Variants in SHANK2 observed in about 807,000 individuals in gnomAD.
The protein encoded by SHANK2 is SH3 and multiple ankyrin repeat domains 2, also known as SH3 and multiple ankyrin repeat domains protein 2.
SHANK2 carries 43 observed loss-of-function variants against 133.7 expected under a neutral mutation model. The ratio of observed to expected loss-of-function variants is 0.32; its 90% CI spans 0.25 to 0.41. SHANK2 has a LOEUF of 0.41. Ranked by LOEUF, SHANK2 falls within the 10% of genes least tolerant of loss-of-function variation. The probability of loss-of-function intolerance (pLI) is 1.00; values close to 1 mark genes in which losing one functional copy is unlikely to be tolerated. For synonymous variants in SHANK2, 1,017 were observed against 952.8 expected, an observed-to-expected ratio of 1.07 and a Z score of -1.24; for missense variants, 1,994 against 2,235.8, an observed-to-expected ratio of 0.89 and a Z score of 2.18.
chr11:70,946,933 C>T (rs1555085592), intron 10 of SHANK2, among the ~76,000 whole-genome samples: 3 of 148,368 alleles, frequency 2.0e-5, no homozygotes, highest in Non-Finnish European at 4.5e-5. Context: ...CCCTCCCTCT[C>T]CACTAACCAA....
chr11:70,690,591 G>T (rs1422394734), intron 15 of SHANK2, among the ~76,000 whole-genome samples: 1 of 134,708 alleles, frequency 7.4e-6, no homozygotes, highest in Non-Finnish European at 1.5e-5. Flanking sequence ...AAGTGCTGAG[G>T]TTACAGATGT....
At chr11:70,667,321 G>A (rs943865960) in intron 15 of SHANK2, among the ~76,000 whole-genome samples, 4 of 152,182 alleles carry the variant, frequency 2.6e-5, no homozygotes, top group Non-Finnish European at 5.9e-5. Context: ...AGGTTTGCCT[G>A]TTTCTGCTCA....
chr11:70,704,809 TACTAATCA>T (rs1945622471), intron 14 of SHANK2, among the ~76,000 whole-genome samples: 2 of 152,220 alleles, frequency 1.3e-5, no homozygotes, highest in Non-Finnish European at 2.9e-5. Flanking sequence ...TCACTGAGGC[TACTAATCA>T]AATACTTCTG....
chr11:71,068,440 C>T (rs1408644524), intron 9 of SHANK2, among the ~76,000 whole-genome samples: 1 of 152,214 alleles, frequency 6.6e-6, no homozygotes, highest in East Asian at 1.9e-4. Context: ...AAATAAAGTG[C>T]CTTTGCTTGA....
At chr11:71,203,879 T>G (rs112514965) in intron 2 of SHANK2, among the ~76,000 whole-genome samples, 4,616 of 152,140 alleles carry the variant, frequency 0.03, 105 homozygotes, top group African/African-American at 0.062. Context: ...GGTGCAGGGG[T>G]CTGGACTCCT....
Position 70,485,840 on chromosome 11 carries a change from C to T in SHANK2, c.4453G>A (p.Ala1485Thr), listed in dbSNP as rs147992148. The change falls in exon 25 of 26, where the codon GCC (alanine) becomes ACC (threonine). Residue 1485 changes from alanine to threonine, a missense_variant. Transcript: ENST00000601538. The surrounding 1 kb of genome is among the most constrained non-coding windows in gnomAD (Gnocchi z 5.8). ...TCCTCGATCCCAGAGTCGGCGACGG[C>T]GTCAAAGCTTTCAGGGGGTGGCAGG... The part of the protein sequence containing the change: ...SFLPPPESFD[A>T]VADSGIEEVD... 17 of 1,613,810 alleles carry T rather than the reference C, an allele frequency of 1.1e-5. No individual in the cohort carries two copies. The African/African-American group carries it at 1.2e-4, about 11-fold the overall frequency.
chr11:71,154,496 C>T (rs1952860443), intron 2 of SHANK2, among the ~76,000 whole-genome samples: 1 of 152,202 alleles, frequency 6.6e-6, no homozygotes. Context: ...TTCATTTAAC[C>T]CACTGTTCTC....
In SHANK2 at chr11:70,632,391, C is replaced by T. The variant is rs578435; in HGVS notation, c.2061+27437G>A. ...CCGCCCGCCTCAGCCTCCCAACTGG[C>T]GGACTTTTAAGGATGCTATCCACGC... On this transcript the variant is annotated intron_variant, in intron 17 of 25. Transcript: ENST00000601538. 2.6e-5 allele frequency among the ~76,000 whole-genome samples: 4 copies of T among 152,198 alleles called. No homozygotes were observed. The East Asian group carries it at 5.8e-4, about 22-fold the overall frequency.
intron 1 of SHANK2, among the ~76,000 whole-genome samples, chr11:71,235,027 C>T (rs1269481902): frequency 1.3e-5 from 2 of 152,190 alleles, no homozygotes; most frequent in African/African-American, 4.8e-5. Flanking sequence ...CTGATCCACG[C>T]TACAACACGA....
chr11:70,913,262 G>A (rs1174156098), intron 10 of SHANK2, among the ~76,000 whole-genome samples: 1 of 151,966 alleles, frequency 6.6e-6, no homozygotes, highest in Non-Finnish European at 1.5e-5. Context: ...TCCTTCATTT[G>A]TCCTAAATGA....
intron 2 of SHANK2, among the ~76,000 whole-genome samples, chr11:71,162,671 T>C (rs1953044999): frequency 6.6e-6 from 1 of 152,206 alleles, no homozygotes. Flanking sequence ...ATTAAAAATA[T>C]AGATGGCAAT....
intron 10 of SHANK2, among the ~76,000 whole-genome samples, chr11:70,944,938 C>G (rs1346478361): frequency 6.6e-6 from 1 of 152,156 alleles, no homozygotes. Flanking sequence ...TTCACAGATG[C>G]TATTATATTC....
chr11:71,074,680 C>T lies in SHANK2; in HGVS notation c.1029+479G>A, dbSNP rs984122458. Among the ~76,000 whole-genome samples, 29 of 152,000 alleles carry T rather than the reference C, an allele frequency of 1.9e-4. No individual in the cohort carries two copies. In the East Asian group the frequency reaches 4.8e-3, roughly 25 times the overall value. On this transcript the variant is annotated intron_variant, in intron 9 of 25. Coordinates refer to ENST00000601538, the MANE Select transcript of SHANK2 (RefSeq NM_012309.5). ...TAAACTTTTTTGGTTTGGGTGAGGG[C>T]CACTAAGGGGCAGGGGCTGACAAGC...
chr11:70,796,215 G>A (rs1555049117), intron 14 of SHANK2, among the ~76,000 whole-genome samples: 1 of 152,170 alleles, frequency 6.6e-6, no homozygotes, highest in African/African-American at 2.4e-5. Flanking sequence ...GCTGGCAGGT[G>A]GACGGGAAAA....
At chr11:71,100,206 C>T (rs782447540) in intron 6 of SHANK2, among the ~76,000 whole-genome samples, 7 of 152,122 alleles carry the variant, frequency 4.6e-5, no homozygotes, top group East Asian at 1.9e-4. Flanking sequence ...GACAGTTTGG[C>T]GAGTTGACAC....
At chr11:71,204,151 T>A (rs1347014554) in intron 2 of SHANK2, among the ~76,000 whole-genome samples, 1 of 152,054 alleles carries the variant, frequency 6.6e-6, no homozygotes, top group African/African-American at 2.4e-5. Context: ...CGAGGAAAAC[T>A]GCAGGCCAGG....
rs150679790 is a variant in SHANK2, at chr11:70,502,010, C to A, written c.2279-79G>T. The A allele has an allele frequency of 1.4e-4, 202 of 1,480,528 alleles. No homozygotes were observed. The East Asian group carries it at 3.9e-3, about 29-fold the overall frequency. The allele number at this position is 1,480,528 out of a possible 1,614,324, so 91.7% of individuals were successfully genotyped here. A position where few individuals can be genotyped will look rare whatever the true frequency, so the allele number is the denominator to read the frequency against. ...AGGAAAGGCAGGACTAGCAACAACG[C>A]CCCGCGAGGCTCCGAGGGAGGTGCA... is the stretch of plus-strand genomic sequence containing the variant. On this transcript the variant is annotated intron_variant, in intron 19 of 25. Coordinates refer to ENST00000601538, the MANE Select transcript of SHANK2 (RefSeq NM_012309.5).
chr11:70,902,295 GT>G (rs1950034275), intron 10 of SHANK2, among the ~76,000 whole-genome samples: 1 of 152,200 alleles, frequency 6.6e-6, no homozygotes, highest in South Asian at 2.1e-4. Context: ...TTAAACAAGA[GT>G]TATGTAACAC....
intron 13 of SHANK2, 67 bp downstream of exon 13, chr11:70,806,935 G>A (rs1362955509): frequency 1.0e-5 from 7 of 669,930 alleles, no homozygotes; most frequent in South Asian, 5.0e-5. Flanking sequence ...CGTCCCCACA[G>A]CAGGCCGGGT....
Sources: gnomAD v4.1 joint callset for allele counts (sites outside exome capture counted in the v4.1 genomes callset) on GRCh38, gnomAD v4.1.1 for gene constraint, Gnocchi (gnomAD v3.1) non-coding constraint, MANE v1.5 for transcripts, NCBI Gene and HGNC (gene_info 2026-07-23, HGNC 2026-07-21) for gene names.